COX18: variants seen among roughly 807,000 people sequenced by gnomAD.
COX18 encodes cytochrome c oxidase assembly protein COX18, mitochondrial.
A neutral mutation model predicts 38.0 loss-of-function variants in COX18; 45 were observed. That is an observed-to-expected ratio of 1.18 (90% confidence interval 0.93 to 1.52). The LOEUF (loss-of-function observed/expected upper bound fraction) is 1.52, where lower values mean the gene tolerates loss of function less well. Ranked by LOEUF, COX18 falls within the 40% of genes most tolerant of loss-of-function variation. The pLI is 0.00. For synonymous variants in COX18, 177 were observed against 169.8 expected (o/e 1.04, Z -0.33); for missense variants, 462 against 423.8 (o/e 1.09, Z -0.79).
rs952225114 is a variant in COX18, at chr4:73,069,606, G to T, written c.44C>A (p.Ala15Asp). The T allele has an allele frequency of 4.5e-6, 7 of 1,554,620 alleles. No homozygotes were observed. The highest frequency in any genetic ancestry group is 6.1e-6 in the Non-Finnish European group (7 of 1,153,294). ...CAGGTCCCTAGCCCAAAGCTGCAGG[G>T]CAGGGAGCGGCCGCAGCCACCGACC... ...LGGRWLRPLP[A>D]LQLWARDLPL... Residue 15 changes from alanine (A) to aspartate (D), a missense_variant, in exon 1 of 6, where the codon GCC becomes GAC. Transcript: ENST00000507544.
Position 73,052,849 on chromosome 4 carries a change from T to A in COX18, c.*5265A>T, listed in dbSNP as rs889088174. On this transcript the variant is annotated 3_prime_UTR_variant, in exon 6 of 6. Transcript: ENST00000507544. ...TAACACCCCAGAGGAAAAAATAAAC[T>A]ACATTCTTTAATTTTTTTTCTAGGG... The A allele has an allele frequency of 3.3e-5, 5 of 151,902 alleles. No homozygotes were observed. The highest frequency in any genetic ancestry group is 1.2e-4 in the African/African-American group (5 of 41,312). The allele number at this position is 151,902 out of a possible 1,614,324, so 9.4% of individuals were successfully genotyped here.
intron 2 of COX18, among the ~76,000 whole-genome samples, chr4:73,067,482 CTATT>C (rs1202041208): frequency 1.3e-5 from 2 of 152,056 alleles, no homozygotes; most frequent in East Asian, 1.9e-4. Context: ...TTATCTTTAT[CTATT>C]TATTTCTTTG....
In COX18 at chr4:73,065,240, C is replaced by T. The variant is rs1350625275; in HGVS notation, c.598+10G>A. 2 of 1,402,900 alleles carry T rather than the reference C, an allele frequency of 1.4e-6. No homozygotes were observed. Among genetic ancestry groups the T allele is most frequent in the Non-Finnish European group, 1.9e-6 (2 of 1,035,214 alleles). The allele number at this position is 1,402,900 out of a possible 1,614,324, so 86.9% of individuals were successfully genotyped here. A position where few individuals can be genotyped will look rare whatever the true frequency, so the allele number is the denominator to read the frequency against. ...GAGAACTTCTTTGGGAGAAGACATACAATAATTACCTTCTGAATGTGCTGC... is the reference window on the plus strand; with the variant it reads ...GAGAACTTCTTTGGGAGAAGACATATAATAATTACCTTCTGAATGTGCTGC... On this transcript the variant is annotated intron_variant, in intron 3 of 5. Transcript: ENST00000507544.
At chr4:73,065,195 T>TAGTAAAAAGAAAA in intron 3 of COX18, 55 bp downstream of exon 3, 1 of 1,241,506 alleles carries the variant, frequency 8.1e-7, no homozygotes, top group Non-Finnish European at 1.1e-6. Flanking sequence ...TTTTTTTTTT[T>TAGTAAAAAGAAAA]TAGTACAAAG....
intron 4 of COX18, among the ~76,000 whole-genome samples, chr4:73,064,254 A>C (rs28402757): frequency 2.2e-5 from 1 of 45,248 alleles, no homozygotes; most frequent in Non-Finnish European, 4.6e-5. Context: ...ACTCCATCTC[A>C]AAAAAAAAAG....
In COX18 at chr4:73,069,696, G is replaced by A. The variant is rs1323897240; in HGVS notation, c.-47C>T. ...AGATCCCGGGCCTCACAATCCAGCG[G>A]ACATACACCGGCCAGCCAAGGCTGA... On this transcript the variant is annotated 5_prime_UTR_variant, in exon 1 of 6. Coordinates refer to ENST00000507544, the MANE Select transcript of COX18 (RefSeq NM_001297732.2). 3.3e-6 allele frequency: 5 copies of A among 1,514,350 alleles called. No homozygotes were observed. Among genetic ancestry groups the A allele is most frequent in the Admixed American group, 2.0e-5 (1 of 50,828 alleles). The allele number at this position is 1,514,350 out of a possible 1,614,324, so 93.8% of individuals were successfully genotyped here. A position where few individuals can be genotyped will look rare whatever the true frequency, so the allele number is the denominator to read the frequency against.
rs1315069417 is a variant in COX18 at position 73,069,562 on chromosome 4, T to C, written c.88A>G (p.Thr30Ala). The C allele has an allele frequency of 2.5e-6, 4 of 1,568,632 alleles. No individual in the cohort carries two copies. The highest frequency in any genetic ancestry group is 1.9e-5 in the Admixed American group (1 of 53,038). ...AGAGTGGGGCGCTTGGCGCCGCTCG[T>C]AGGAACCGGCGCAAGCGGCAGGTCC... ...ARDLPLAPVP[T>A]SGAKRPTLPV... Residue 30 changes from threonine (T) to alanine (A), a missense_variant, in exon 1 of 6, where the codon ACG becomes GCG. Thr to Ala is a moderately conservative substitution (Grantham distance 58). Transcript: ENST00000507544.
chr4:73,065,745 A>C (rs1720418228), intron 2 of COX18, among the ~76,000 whole-genome samples: 1 of 152,220 alleles, frequency 6.6e-6, no homozygotes, highest in Non-Finnish European at 1.5e-5. Flanking sequence ...GAAATATGGA[A>C]GCTAAAAGCA....
intron 5 of COX18, among the ~76,000 whole-genome samples, chr4:73,060,157 C>T (rs1720078948): frequency 6.6e-6 from 1 of 152,222 alleles, no homozygotes; most frequent in African/African-American, 2.4e-5. Flanking sequence ...CTCTCATCTT[C>T]ATGGACTTGT....
intron 1 of COX18, among the ~76,000 whole-genome samples, 156 bp from the exon 2 acceptor site, chr4:73,068,285 A>C (rs540407834): frequency 9.2e-5 from 14 of 152,304 alleles, no homozygotes; most frequent in African/African-American, 3.1e-4. Context: ...AATTTGCTTA[A>C]AATGTCCTCA....
intron 5 of COX18, among the ~76,000 whole-genome samples, chr4:73,060,929 C>T (rs1287181363): frequency 6.6e-6 from 1 of 151,838 alleles, no homozygotes; most frequent in African/African-American, 2.4e-5. Context: ...ATGCTACACC[C>T]TAACTATTAA....
At position 73,058,270 on chromosome 4, in the gene COX18, C is replaced by T; in HGVS notation, c.849G>A (p.Trp283Ter). The part of the protein sequence containing the change: ...ATVPSSIVLY[W>*]LCSSFVGLSQ... ...AAAGGCCCACGAAGCTGGAGCATAA[C>T]CAGTAGAGAACAATTGACTATAAAG... The change falls in exon 6 of 6, where the codon TGG becomes TGA. Residue 283 changes from tryptophan to a stop codon, truncating the protein, a stop_gained. Coordinates refer to ENST00000507544, the MANE Select transcript of COX18 (RefSeq NM_001297732.2). LOFTEE classifies it high-confidence loss of function. The T allele has an allele frequency of 6.8e-6, 11 of 1,611,672 alleles. No homozygotes were observed. The highest frequency in any genetic ancestry group is 8.5e-6 in the Non-Finnish European group (10 of 1,179,164).
chr4:73,069,460 C>T lies in COX18; in HGVS notation c.190G>A (p.Val64Met). 1 of 1,589,802 alleles carries T rather than the reference C, an allele frequency of 6.3e-7. No individual in the cohort carries two copies. Among genetic ancestry groups the T allele is most frequent in the East Asian group, 2.3e-5 (1 of 43,576 alleles). Residue 64 changes from valine (V) to methionine (M), a missense_variant, in exon 1 of 6, where the codon GTG becomes ATG. Physicochemically the swap from Val to Met is conservative, Grantham distance 21. Coordinates refer to ENST00000507544, the MANE Select transcript of COX18 (RefSeq NM_001297732.2). ...WYEALAASSP[V>M]RVAEEVLLGV... ...AGCAGTACTTCCTCCGCAACCCGCA[C>T]CGGCGAAGACGCGGCCAGGGCCTCG...
At chr4:73,058,824 T>C (rs1354112587) in intron 5 of COX18, among the ~76,000 whole-genome samples, 1 of 152,188 alleles carries the variant, frequency 6.6e-6, no homozygotes, top group Non-Finnish European at 1.5e-5. Flanking sequence ...TGTATTACCA[T>C]CTTGAGCAGT....
rs1258313438 is a variant in COX18, at chr4:73,056,310, T to G, written c.*1804A>C. ...CTGTCAATTTTTTCTGTATTAAACC[T>G]CTATCATAGTTTAAGCCTATTAGGG... is the stretch of plus-strand genomic sequence containing the variant. On this transcript the variant is annotated 3_prime_UTR_variant, in exon 6 of 6. Transcript: ENST00000507544. 6.6e-6 allele frequency: 1 copy of G among 152,220 alleles called. No individual in the cohort carries two copies. The highest frequency in any genetic ancestry group is 1.5e-5 in the Non-Finnish European group (1 of 68,040). 9.4% of individuals were successfully genotyped at this position (152,220 alleles called of 1,614,324 possible).
At chr4:73,069,276 G>C (rs1000028337) in intron 1 of COX18, 41 bp downstream of exon 1, 5 of 1,397,164 alleles carry the variant, frequency 3.6e-6, no homozygotes, top group Non-Finnish European at 4.8e-6. Flanking sequence ...CCGCCGCAGG[G>C]GTTGCAGCGC....
In COX18 at chr4:73,055,743, A is replaced by C. The variant is rs759168690; in HGVS notation, c.*2371T>G. The C allele has an allele frequency of 6.6e-6, 1 of 152,200 alleles. No individual in the cohort carries two copies. Among genetic ancestry groups the C allele is most frequent in the Non-Finnish European group, 1.5e-5 (1 of 68,026 alleles). 9.4% of individuals were successfully genotyped at this position (152,200 alleles called of 1,614,324 possible). ...CACATTTTTGCCTACAAATGGCTCA[A>C]AAGCACTTGTGCAAGTACTGGTTCT... On this transcript the variant is annotated 3_prime_UTR_variant, in exon 6 of 6. Coordinates refer to ENST00000507544, the MANE Select transcript of COX18 (RefSeq NM_001297732.2).
chr4:73,067,152 C>T (rs1560475940), intron 2 of COX18, among the ~76,000 whole-genome samples: 1 of 152,230 alleles, frequency 6.6e-6, no homozygotes, highest in African/African-American at 2.4e-5. Context: ...AGAATAACCA[C>T]AAAGGATAGA....
chr4:73,069,280 G>A, intron 1 of COX18, 37 bp downstream of exon 1: 2 of 1,419,416 alleles, frequency 1.4e-6, no homozygotes, highest in Non-Finnish European at 1.9e-6. Context: ...CGCAGGGGTT[G>A]CAGCGCAGGG....
Sources: gnomAD v4.1 joint callset for allele counts (sites outside exome capture counted in the v4.1 genomes callset) on GRCh38, gnomAD v4.1.1 for gene constraint, MANE v1.5 for transcripts, NCBI Gene and HGNC (gene_info 2026-07-23, HGNC 2026-07-21) for gene names.